The following PLEKHG7 variants were observed in gnomAD, a reference collection of about 807,000 sequenced individuals.
PLEKHG7 encodes pleckstrin homology and RhoGEF domain containing G7.
In PLEKHG7, 77 loss-of-function variants were observed where a neutral mutation model predicts 85.2. The ratio of observed to expected loss-of-function variants is 0.90; its 90% CI spans 0.75 to 1.09. The LOEUF (loss-of-function observed/expected upper bound fraction) is 1.09. Ranked by LOEUF, PLEKHG7 falls within the 50% of genes least tolerant of loss-of-function variation. The pLI is 0.00. For missense variants in PLEKHG7, 777 were observed against 804.3 expected (o/e 0.97, Z 0.41); for synonymous variants, 301 against 302.4 (o/e 1.00, Z 0.05).
intron 3 of PLEKHG7, among the ~76,000 whole-genome samples, chr12:92,710,948 TCA>T (rs1871357028): frequency 6.6e-6 from 1 of 152,210 alleles, no homozygotes; most frequent in Non-Finnish European, 1.5e-5. Context: ...ACAAATATCT[TCA>T]CAGTTTTTGA....
intron 7 of PLEKHG7, 60 bp downstream of exon 7, chr12:92,737,581 T>G (rs1457863585): frequency 6.8e-7 from 1 of 1,480,488 alleles, no homozygotes; most frequent in Non-Finnish European, 9.3e-7. Context: ...TTTTGGGCAC[T>G]TGTTTTCCTC....
At chr12:92,752,403 G>C (rs966724902) in intron 10 of PLEKHG7, among the ~76,000 whole-genome samples, 9 of 152,196 alleles carry the variant, frequency 5.9e-5, no homozygotes, top group Non-Finnish European at 1.0e-4. Flanking sequence ...GGAAACAAGA[G>C]TCCAGGAGCC....
At position 92,748,396 on chromosome 12, in the gene PLEKHG7, G is replaced by T. The variant is rs145284761; in HGVS notation, c.1251+2805G>T. Among the ~76,000 whole-genome samples, 862 of 152,158 alleles carry T rather than the reference G, an allele frequency of 5.7e-3. 8 individuals carry two copies. The highest frequency in any genetic ancestry group is 0.019 in the African/African-American group (796 of 41,510). Reference sequence around the variant, plus strand: ...AGAGTAGCTGGAACTACAGGTGCCTGCCACCGTGCCTGGCAAATTTTTTAT... The same window carrying T: ...AGAGTAGCTGGAACTACAGGTGCCTTCCACCGTGCCTGGCAAATTTTTTAT... On this transcript the variant is annotated intron_variant, in intron 10 of 16. Transcript: ENST00000344636.
At chr12:92,756,943 G>A (rs954605699) in intron 13 of PLEKHG7, among the ~76,000 whole-genome samples, 1 of 152,214 alleles carries the variant, frequency 6.6e-6, no homozygotes, top group Non-Finnish European at 1.5e-5. Context: ...GAGAGGCTTC[G>A]TGCAGTCCAT....
chr12:92,731,006 G>A (rs1345328816), intron 4 of PLEKHG7, among the ~76,000 whole-genome samples: 62 of 152,170 alleles, frequency 4.1e-4, no homozygotes, highest in Non-Finnish European at 1.2e-4. Flanking sequence ...TGCAGATATA[G>A]TTGAAATAAA....
At chr12:92,713,544 T>C (rs1440943225) in intron 3 of PLEKHG7, among the ~76,000 whole-genome samples, 1 of 152,156 alleles carries the variant, frequency 6.6e-6, no homozygotes, top group Non-Finnish European at 1.5e-5. Context: ...TATTTAAATT[T>C]TGTAGTTGAG....
At position 92,764,129 on chromosome 12, in the gene PLEKHG7, T is replaced by TA. The variant is rs1248890289; in HGVS notation, c.1806dup (p.Leu603ThrfsTer9). On this transcript the variant is annotated frameshift_variant, in exon 15 of 17. Coordinates refer to ENST00000344636, the MANE Select transcript of PLEKHG7 (RefSeq NM_001377329.1). LOFTEE classifies it high-confidence loss of function. Reference sequence around the variant, plus strand: ...ATAAAAGAGGGTGGTTCGTGTACAGTACTCGATCAGCCTATTCCACTAGAT... The same window carrying TA: ...ATAAAAGAGGGTGGTTCGTGTACAGTAACTCGATCAGCCTATTCCACTAGAT... The TA allele has an allele frequency of 6.2e-7, 1 of 1,612,514 alleles. No homozygotes were observed. The highest frequency in any genetic ancestry group is 1.1e-5 in the South Asian group (1 of 90,870).
intron 5 of PLEKHG7, among the ~76,000 whole-genome samples, chr12:92,735,856 G>GT (rs1872130404): frequency 6.6e-6 from 1 of 151,734 alleles, no homozygotes; most frequent in East Asian, 1.9e-4. Flanking sequence ...TTTTTTGTTT[G>GT]TTTTTTCTCA....
intron 9 of PLEKHG7, among the ~76,000 whole-genome samples, chr12:92,742,708 C>G (rs1337237072): frequency 6.6e-6 from 1 of 151,580 alleles, no homozygotes; most frequent in Non-Finnish European, 1.5e-5. Context: ...GCCTCAGCCT[C>G]CCAAGTAGCT....
chr12:92,744,632 G>A (rs1203609163), intron 9 of PLEKHG7, among the ~76,000 whole-genome samples: 1 of 151,420 alleles, frequency 6.6e-6, no homozygotes, highest in African/African-American at 2.4e-5. Flanking sequence ...GATACAGTAT[G>A]CTGAGTAGAG....
intron 10 of PLEKHG7, among the ~76,000 whole-genome samples, chr12:92,746,398 A>G (rs78003783): frequency 0.078 from 11,849 of 152,318 alleles, 593 homozygotes; most frequent in African/African-American, 0.13. Flanking sequence ...CTTCCGCCCC[A>G]GCCTTGATAT....
In PLEKHG7 at chr12:92,770,996, GGTGTGTGTGTGT is replaced by G. The variant is rs57839500; in HGVS notation, c.*816_*827del. On this transcript the variant is annotated 3_prime_UTR_variant, in exon 17 of 17. Transcript: ENST00000344636. Reference sequence around the variant, plus strand: ...ATAAAAATACTTTCTGGTTTTGATTGGTGTGTGTGTGTGTGTGTGTGTGTGTTAGCACAGTAC... The same window carrying G: ...ATAAAAATACTTTCTGGTTTTGATTGGTGTGTGTGTGTGTTAGCACAGTAC... 1 of 150,264 alleles carries G rather than the reference GGTGTGTGTGTGT, an allele frequency of 6.7e-6. No homozygotes were observed. The highest frequency in any genetic ancestry group is 1.5e-5 in the Non-Finnish European group (1 of 67,418). 9.3% of individuals were successfully genotyped at this position (150,264 alleles called of 1,614,324 possible).
chr12:92,715,029 TAGATAGATA>T (rs895210182), intron 3 of PLEKHG7, among the ~76,000 whole-genome samples: 4 of 144,854 alleles, frequency 2.8e-5, no homozygotes, highest in African/African-American at 1.0e-4. Context: ...GATAGATAGA[TAGATAGATA>T]GATAGATAGA....
At chr12:92,716,695 T>C (rs141902073) in intron 3 of PLEKHG7, among the ~76,000 whole-genome samples, 1 of 152,250 alleles carries the variant, frequency 6.6e-6, no homozygotes, top group Admixed American at 6.5e-5. Flanking sequence ...GCCAGTACAT[T>C]TCTCCCTTTT....
intron 3 of PLEKHG7, among the ~76,000 whole-genome samples, chr12:92,712,226 G>T (rs1473386598): frequency 6.6e-6 from 1 of 152,202 alleles, no homozygotes; most frequent in Admixed American, 6.5e-5. Flanking sequence ...GGCGAAAAGC[G>T]ATCAAGGTCT....
At chr12:92,768,069 G>T (rs140183221) in intron 15 of PLEKHG7, among the ~76,000 whole-genome samples, 6 of 151,976 alleles carry the variant, frequency 3.9e-5, no homozygotes, top group Non-Finnish European at 8.8e-5. Flanking sequence ...TTAGCCAGGC[G>T]TGGTGGCGGG....
At chr12:92,737,828 C>T (rs749518737) in intron 7 of PLEKHG7, among the ~76,000 whole-genome samples, 2 of 145,906 alleles carry the variant, frequency 1.4e-5, no homozygotes, top group Non-Finnish European at 3.0e-5. Context: ...TTCAGGGGAT[C>T]GTGAAAATTT....
At chr12:92,746,757 G>T (rs1046861327) in intron 10 of PLEKHG7, among the ~76,000 whole-genome samples, 2 of 152,044 alleles carry the variant, frequency 1.3e-5, no homozygotes, top group Admixed American at 1.3e-4. Flanking sequence ...TTTGACAAAG[G>T]CACCAAAAAC....
intron 7 of PLEKHG7, among the ~76,000 whole-genome samples, chr12:92,738,046 C>G (rs1020864476): frequency 6.6e-6 from 1 of 152,184 alleles, no homozygotes; most frequent in African/African-American, 2.4e-5. Flanking sequence ...GGCTTTCTCT[C>G]TCGGAGCTCT....
Sources: gnomAD v4.1 joint callset for allele counts (sites outside exome capture counted in the v4.1 genomes callset) on GRCh38, gnomAD v4.1.1 for gene constraint, MANE v1.5 for transcripts, NCBI Gene and HGNC (gene_info 2026-07-23, HGNC 2026-07-21) for gene names.